The following LIMCH1 variants were observed in gnomAD, a reference collection of about 807,000 sequenced individuals.
LIMCH1 encodes the protein LIM and calponin homology domains 1, also known as LIM and calponin homology domains-containing protein 1.
In LIMCH1, 113 loss-of-function variants were observed where a neutral mutation model predicts 176.5. The ratio of observed to expected loss-of-function variants is 0.64; its 90% CI spans 0.55 to 0.75. The LOEUF is 0.75. LIMCH1 is among the 30% of genes least tolerant of loss of function. LIMCH1 has a pLI of 0.00. For synonymous variants in LIMCH1, 619 were observed against 645.9 expected (o/e 0.96, Z 0.63); for missense variants, 1,674 against 1,814.9 (o/e 0.92, Z 1.41).
At chr4:41,385,451 T>C (rs1253130001) in intron 1 of LIMCH1, among the ~76,000 whole-genome samples, 1 of 152,226 alleles carries the variant, frequency 6.6e-6, no homozygotes, top group Non-Finnish European at 1.5e-5. Flanking sequence ...TAAATTTCTG[T>C]GGCAATGGGC....
At chr4:41,620,761 G>A (rs2092511613) in intron 7 of LIMCH1, 71 bp downstream of exon 7, 1 of 1,439,980 alleles carries the variant, frequency 6.9e-7, no homozygotes, top group Admixed American at 2.6e-5. Context: ...TGTCTAGAGA[G>A]TTGGAGTTTT....
At chr4:41,382,047 A>G (rs936414722) in intron 1 of LIMCH1, among the ~76,000 whole-genome samples, 1 of 152,232 alleles carries the variant, frequency 6.6e-6, no homozygotes, top group African/African-American at 2.4e-5. Flanking sequence ...CTCCAGACTT[A>G]TGAGTGCGTC....
intron 7 of LIMCH1, among the ~76,000 whole-genome samples, chr4:41,624,582 C>T (rs905962855): frequency 6.6e-6 from 1 of 151,286 alleles, no homozygotes; most frequent in African/African-American, 2.4e-5. Context: ...TGTGCACCGA[C>T]CAAATAGCTG....
chr4:41,697,370 GTT>G lies in LIMCH1; in HGVS notation c.*200_*201del, dbSNP rs10709122. On this transcript the variant is annotated 3_prime_UTR_variant, in exon 32 of 32. Transcript: ENST00000503057. Reference sequence around the variant, plus strand: ...TATGTTTTTCCTGTTTATTGTTTTGGTTTTTTTTTTTTTTTTGCATTTGCACA... The same window carrying G: ...TATGTTTTTCCTGTTTATTGTTTTGGTTTTTTTTTTTTTTGCATTTGCACA... 0.032 allele frequency: 14,108 copies of G among 438,230 alleles called. 5 individuals carry two copies. Among genetic ancestry groups the G allele is most frequent in the South Asian group, 0.052 (1,330 of 25,700 alleles). The allele number at this position is 438,230 out of a possible 1,614,324, so 27.1% of individuals were successfully genotyped here.
intron 6 of LIMCH1, 64 bp from the exon 7 acceptor site, chr4:41,620,360 G>C: frequency 7.0e-7 from 1 of 1,436,480 alleles, no homozygotes; most frequent in Non-Finnish European, 9.3e-7. Context: ...GCGGGGAGAT[G>C]ACATGGGGTC....
rs935992256 is a variant in LIMCH1 at position 41,602,864 on chromosome 4, AT to A, written c.-133-1003del. ...ATATCCAAGCAGATAAGGACATCCCATTTTTTTTCCTATTAAAAACAGAAAC... is the reference window on the plus strand; with the variant it reads ...ATATCCAAGCAGATAAGGACATCCCATTTTTTTCCTATTAAAAACAGAAAC... On this transcript the variant is annotated intron_variant, in intron 2 of 31. Transcript: ENST00000503057. Among the ~76,000 whole-genome samples the A allele has an allele frequency of 3.3e-5, 5 of 151,924 alleles. No individual in the cohort carries two copies. In the South Asian group the frequency reaches 6.3e-4, roughly 19 times the overall value.
At chr4:41,643,202 G>A (rs1047413642) in intron 14 of LIMCH1, among the ~76,000 whole-genome samples, 6 of 152,204 alleles carry the variant, frequency 3.9e-5, no homozygotes, top group Non-Finnish European at 8.8e-5. Context: ...ACAGCTGCCT[G>A]CTAGGGAGCC....
At chr4:41,637,507 A>G (rs537125872) in intron 13 of LIMCH1, among the ~76,000 whole-genome samples, 1 of 152,336 alleles carries the variant, frequency 6.6e-6, no homozygotes, top group East Asian at 1.9e-4. Context: ...TCAATGTGAA[A>G]GAACCCACTT....
chr4:41,556,277 C>T (rs1440832898), intron 1 of LIMCH1, among the ~76,000 whole-genome samples: 1 of 151,686 alleles, frequency 6.6e-6, no homozygotes, highest in East Asian at 1.9e-4. Context: ...CATCTGTAAT[C>T]CCAGCCATTT....
At chr4:41,563,200 A>G (rs1337425189) in intron 1 of LIMCH1, among the ~76,000 whole-genome samples, 1 of 152,052 alleles carries the variant, frequency 6.6e-6, no homozygotes, top group Non-Finnish European at 1.5e-5. Flanking sequence ...CATGTCACAG[A>G]GCCTCTCCCA....
intron 1 of LIMCH1, among the ~76,000 whole-genome samples, chr4:41,494,117 G>A (rs2071585556): frequency 6.6e-6 from 1 of 151,946 alleles, no homozygotes; most frequent in Non-Finnish European, 1.5e-5. Flanking sequence ...ATTCTTGTCA[G>A]GAAGGGTAGA....
At chr4:41,592,091 G>C (rs2152724828) in intron 1 of LIMCH1, among the ~76,000 whole-genome samples, 1 of 152,350 alleles carries the variant, frequency 6.6e-6, no homozygotes, top group East Asian at 1.9e-4. Flanking sequence ...CCCTCTGATA[G>C]CACTGCCATG....
chr4:41,388,176 A>C (rs1031911214), intron 1 of LIMCH1, among the ~76,000 whole-genome samples: 8 of 152,216 alleles, frequency 5.3e-5, no homozygotes, highest in Non-Finnish European at 1.2e-4. Flanking sequence ...AATTGAAAAC[A>C]TATGTGCCTA....
intron 1 of LIMCH1, among the ~76,000 whole-genome samples, chr4:41,593,651 C>T (rs1036425643): frequency 2.6e-5 from 4 of 152,210 alleles, no homozygotes; most frequent in Admixed American, 2.6e-4. Flanking sequence ...AATACAGGGT[C>T]ATCCAGCTAT....
At chr4:41,418,442 T>TA in intron 1 of LIMCH1, among the ~76,000 whole-genome samples, 1 of 152,302 alleles carries the variant, frequency 6.6e-6, no homozygotes, top group Admixed American at 6.5e-5. Context: ...TACAGGACTA[T>TA]AAAAAAGTCC....
intron 9 of LIMCH1, among the ~76,000 whole-genome samples, chr4:41,629,959 C>T (rs1325296005): frequency 6.6e-6 from 1 of 151,908 alleles, no homozygotes; most frequent in Non-Finnish European, 1.5e-5. Flanking sequence ...GCCCATGCCA[C>T]TATGCCTGGT....
rs566446884 is a variant in LIMCH1, at chr4:41,373,392, A to C, written c.96+12456A>C. ...CTAGAGTGGGCTGCAGGAAAGCTGC[A>C]TGGTCCTGGCACCGAAGATAGGAAT... On this transcript the variant is annotated intron_variant, in intron 1 of 26. Transcript: ENST00000313860. Among the ~76,000 whole-genome samples, 3 of 152,356 alleles carry C rather than the reference A, an allele frequency of 2.0e-5. No individual in the cohort carries two copies. The East Asian group carries it at 5.8e-4, about 29-fold the overall frequency.
chr4:41,430,351 C>T (rs9995736), intron 1 of LIMCH1, among the ~76,000 whole-genome samples: 30,315 of 152,142 alleles, frequency 0.2, 3,490 homozygotes, highest in South Asian at 0.32. Flanking sequence ...CAATCTCTGC[C>T]TCCAGAGGTT....
At chr4:41,600,982 C>T (rs28449751) in intron 2 of LIMCH1, among the ~76,000 whole-genome samples, 32,862 of 151,856 alleles carry the variant, frequency 0.22, 4,204 homozygotes, top group African/African-American at 0.35. Flanking sequence ...TTTTTAATCC[C>T]GTCTTTCCAT....
Sources: allele counts gnomAD v4.1 joint callset (sites outside exome capture counted in the v4.1 genomes callset), GRCh38; gene constraint gnomAD v4.1.1; transcripts MANE v1.5; gene names NCBI Gene and HGNC (gene_info 2026-07-23, HGNC 2026-07-21).